Variants in SORCS3 observed in about 807,000 individuals in gnomAD.
The protein encoded by SORCS3 is VPS10 domain-containing receptor SorCS3.
SORCS3 carries 57 observed loss-of-function variants against 146.3 expected under a neutral mutation model. That is an observed-to-expected ratio of 0.39 (90% CI 0.31 to 0.49). The LOEUF is 0.49. SORCS3 is among the 20% of genes least tolerant of loss of function. The pLI, the probability that SORCS3 is intolerant of heterozygous loss-of-function variation, is 0.92. For synonymous variants in SORCS3, 653 were observed against 618.5 expected (o/e 1.06, Z -0.83); for missense variants, 1,341 against 1,575.5 (o/e 0.85, Z 2.52).
intron 1 of SORCS3, among the ~76,000 whole-genome samples, chr10:104,714,683 T>A (rs1215452380): frequency 6.6e-6 from 1 of 152,218 alleles, no homozygotes; most frequent in African/African-American, 2.4e-5. Flanking sequence ...ATGGTGTATC[T>A]TGGTGAATAT....
At chr10:105,103,925 A>C (rs1002020042) in intron 6 of SORCS3, among the ~76,000 whole-genome samples, 32 of 152,244 alleles carry the variant, frequency 2.1e-4, no homozygotes, top group African/African-American at 6.8e-4. Context: ...GTTCTTTTAG[A>C]AAGGAAAATC....
intron 2 of SORCS3, 135 bp from the exon 3 acceptor site, chr10:104,915,697 CT>C: frequency 1.4e-6 from 1 of 692,628 alleles, no homozygotes; most frequent in East Asian, 2.7e-5. Context: ...ATTAATGGGG[CT>C]TTTTATCTCT....
intron 4 of SORCS3, among the ~76,000 whole-genome samples, chr10:104,979,147 C>A (rs953666161): frequency 6.6e-6 from 1 of 152,152 alleles, no homozygotes; most frequent in African/African-American, 2.4e-5. Context: ...ACACTTGTCA[C>A]AAATGAGATT....
intron 1 of SORCS3, among the ~76,000 whole-genome samples, chr10:104,777,054 C>T (rs137909843): frequency 7.9e-5 from 12 of 152,158 alleles, no homozygotes; most frequent in Non-Finnish European, 1.3e-4. Context: ...GCCCAGGTCA[C>T]AGTGGTACCT....
chr10:104,896,596 TG>T (rs1390286738), intron 2 of SORCS3, among the ~76,000 whole-genome samples: 1 of 152,224 alleles, frequency 6.6e-6, no homozygotes, highest in Non-Finnish European at 1.5e-5. Context: ...ATGGGGCAAG[TG>T]GGCAGGGGTC....
intron 1 of SORCS3, among the ~76,000 whole-genome samples, chr10:104,719,595 C>T (rs894451952): frequency 2.6e-5 from 4 of 152,134 alleles, no homozygotes; most frequent in Admixed American, 6.5e-5. Flanking sequence ...TCTCCTTCTC[C>T]GTTAAATGGG....
At chr10:104,753,294 T>G (rs1412602002) in intron 1 of SORCS3, among the ~76,000 whole-genome samples, 3 of 152,198 alleles carry the variant, frequency 2.0e-5, no homozygotes, top group East Asian at 3.9e-4. Context: ...CCACCTTCAC[T>G]GTTTGAGAAA....
intron 1 of SORCS3, among the ~76,000 whole-genome samples, chr10:104,643,738 G>GTGTGTGTGTGTGTGTGTT (rs1237706167): frequency 1.1e-4 from 17 of 151,656 alleles, no homozygotes; most frequent in African/African-American, 3.9e-4. Context: ...GTGTGTGTGT[G>GTGTGTGTGTGTGTGTGTT]TGTGTGTTGG....
intron 4 of SORCS3, among the ~76,000 whole-genome samples, chr10:105,039,169 G>A (rs2055323461): frequency 6.6e-6 from 1 of 152,198 alleles, no homozygotes; most frequent in Non-Finnish European, 1.5e-5. Context: ...AGAAGTAGAT[G>A]TGTAGGTGGA....
chr10:104,951,290 C>T (rs960428428), intron 3 of SORCS3, among the ~76,000 whole-genome samples: 1 of 152,082 alleles, frequency 6.6e-6, no homozygotes, highest in South Asian at 2.1e-4. Flanking sequence ...GTCACACCTT[C>T]AACACTGCCT....
intron 3 of SORCS3, among the ~76,000 whole-genome samples, chr10:104,924,775 T>C (rs1313937235): frequency 6.6e-6 from 1 of 152,216 alleles, no homozygotes; most frequent in Non-Finnish European, 1.5e-5. Context: ...CACTTACCTG[T>C]CCCCTTCTTT....
At chr10:105,175,986 TAGAA>T (rs1334635098) in intron 13 of SORCS3, among the ~76,000 whole-genome samples, 1 of 152,040 alleles carries the variant, frequency 6.6e-6, no homozygotes, top group Non-Finnish European at 1.5e-5. Flanking sequence ...GACAGAGAGA[TAGAA>T]AGACAAAGAA....
rs574698417 is a variant in SORCS3, at chr10:105,112,686, C to T, written c.1212+7171C>T. Among the ~76,000 whole-genome samples the T allele has an allele frequency of 1.2e-3, 189 of 152,198 alleles. 1 individual carries two copies. Among genetic ancestry groups the T allele is most frequent in the African/African-American group, 4.2e-3 (173 of 41,520 alleles). ...TCAAGGTGGCATTCCCAGGGAGTAG[C>T]GCCAAGGCAGAACTGGACATTGAGG... is the stretch of plus-strand genomic sequence containing the variant. On this transcript the variant is annotated intron_variant, in intron 7 of 26. Transcript: ENST00000369701.
intron 1 of SORCS3, among the ~76,000 whole-genome samples, chr10:104,757,911 A>G (rs777058102): frequency 7.1e-6 from 1 of 140,822 alleles, no homozygotes; most frequent in Non-Finnish European, 1.5e-5. Flanking sequence ...CTAAAGTACA[A>G]AGGGAAAGTT....
At chr10:105,069,326 C>G (rs1340424037) in intron 5 of SORCS3, among the ~76,000 whole-genome samples, 1 of 152,202 alleles carries the variant, frequency 6.6e-6, no homozygotes, top group Admixed American at 6.5e-5. Flanking sequence ...ACTTTTGAAA[C>G]TCCCTGAACC....
At chr10:104,699,515 C>T (rs908167907) in intron 1 of SORCS3, among the ~76,000 whole-genome samples, 5 of 151,918 alleles carry the variant, frequency 3.3e-5, no homozygotes, top group South Asian at 4.2e-4. Context: ...GTGGGCTCAG[C>T]GTGTTAGATG....
intron 3 of SORCS3, among the ~76,000 whole-genome samples, chr10:104,925,569 C>T (rs1467364041): frequency 1.6e-4 from 24 of 152,140 alleles, no homozygotes; most frequent in Non-Finnish European, 1.3e-4. Flanking sequence ...TTCCCCCAAA[C>T]CTTTAGGAAA....
intron 2 of SORCS3, among the ~76,000 whole-genome samples, chr10:104,906,909 G>A (rs988855242): frequency 5.3e-5 from 8 of 152,060 alleles, no homozygotes; most frequent in East Asian, 1.9e-4. Context: ...AGCCCACCCC[G>A]GTTCCCTACC....
chr10:104,755,979 T>G (rs1564676244), intron 1 of SORCS3, among the ~76,000 whole-genome samples: 1 of 152,126 alleles, frequency 6.6e-6, no homozygotes, highest in Non-Finnish European at 1.5e-5. Context: ...ACTAGGGACA[T>G]GTCTGGAATG....
Sources: allele counts gnomAD v4.1 joint callset (sites outside exome capture counted in the v4.1 genomes callset), GRCh38; gene constraint gnomAD v4.1.1; transcripts MANE v1.5; gene names NCBI Gene and HGNC (gene_info 2026-07-23, HGNC 2026-07-21).